The following IFT80 variants were observed in gnomAD, a reference collection of about 807,000 sequenced individuals.
IFT80 encodes intraflagellar transport 80, also known as intraflagellar transport protein 80 homolog.
In IFT80, 79 loss-of-function variants were observed where a neutral mutation model predicts 107.9. The ratio of observed to expected loss-of-function variants is 0.73; its 90% CI spans 0.61 to 0.88. The LOEUF (loss-of-function observed/expected upper bound fraction) is 0.88, where lower values mean the gene tolerates loss of function less well. Ranked by LOEUF, IFT80 falls within the 40% of genes least tolerant of loss-of-function variation. IFT80 has a pLI of 0.00. For missense variants in IFT80, 797 were observed against 914.2 expected (o/e 0.87, Z 1.65); for synonymous variants, 299 against 300.9 (o/e 0.99, Z 0.07).
chr3:160,334,179 T>C (rs985931734), intron 8 of IFT80, among the ~76,000 whole-genome samples: 2 of 152,170 alleles, frequency 1.3e-5, no homozygotes, highest in Non-Finnish European at 2.9e-5. Flanking sequence ...TGTTAATTGT[T>C]TTCAGATTTA....
At chr3:160,360,085 C>A (rs1219332136) in intron 6 of IFT80, among the ~76,000 whole-genome samples, 1 of 152,116 alleles carries the variant, frequency 6.6e-6, no homozygotes, top group Non-Finnish European at 1.5e-5. Context: ...CCTAAGCCAT[C>A]ACAAGGAAGC....
chr3:160,364,632 G>A (rs1187608749), intron 6 of IFT80, among the ~76,000 whole-genome samples: 1 of 152,190 alleles, frequency 6.6e-6, no homozygotes, highest in South Asian at 2.1e-4. Context: ...ACTGGATTAA[G>A]AAAATGTGGC....
At chr3:160,376,438 C>A (rs1431203748) in intron 4 of IFT80, among the ~76,000 whole-genome samples, 1 of 152,134 alleles carries the variant, frequency 6.6e-6, no homozygotes, top group Non-Finnish European at 1.5e-5. Context: ...TACATGCTGA[C>A]AAACCATTGG....
Position 160,277,439 on chromosome 3 carries a change from G to A in IFT80, c.1966C>T (p.Pro656Ser). Residue 656 changes from proline to serine, a missense_variant, in exon 18 of 20, where the codon CCA (proline) becomes TCA (serine). Pro to Ser is a moderately conservative substitution (Grantham distance 74). Transcript: ENST00000326448. ...TGGGCCATTTTTGATTCTTTAGATG[G>A]AAGATTTTTTATAGAATTGATGTAC... ...VQYINSIKNL[P>S]SKESKMAHIL... 1 of 1,610,796 alleles carries A rather than the reference G, an allele frequency of 6.2e-7. No homozygotes were observed. The highest frequency in any genetic ancestry group is 1.1e-5 in the South Asian group (1 of 90,984).
intron 6 of IFT80, among the ~76,000 whole-genome samples, chr3:160,363,786 G>C (rs1013380930): frequency 6.6e-6 from 1 of 152,150 alleles, no homozygotes; most frequent in Non-Finnish European, 1.5e-5. Flanking sequence ...AAATGGTACT[G>C]GGAAAACTGG....
At chr3:160,315,214 T>C (rs1576797441) in intron 9 of IFT80, among the ~76,000 whole-genome samples, 1 of 152,352 alleles carries the variant, frequency 6.6e-6, no homozygotes, top group South Asian at 2.1e-4. Flanking sequence ...GTCAACTATG[T>C]ATTCCCCCTG....
Position 160,322,142 on chromosome 3 carries a change from G to C in IFT80, c.778-2203C>G, listed in dbSNP as rs183973280. The stretch of plus-strand genomic sequence containing the variant: ...GTTGGTGTGCTGCACCCATTAACTT[G>C]TCATTTAGTATTAGGTATATCTCCT... On this transcript the variant is annotated intron_variant, in intron 8 of 19. Transcript: ENST00000326448. Among the ~76,000 whole-genome samples, 244 of 151,502 alleles carry C rather than the reference G, an allele frequency of 1.6e-3. 2 individuals carry two copies. The highest frequency in any genetic ancestry group is 3.1e-3 in the South Asian group (15 of 4,808).
At chr3:160,356,931 C>T (rs1329818000) in intron 7 of IFT80, among the ~76,000 whole-genome samples, 1 of 152,094 alleles carries the variant, frequency 6.6e-6, no homozygotes, top group African/African-American at 2.4e-5. Flanking sequence ...ATACATTAAA[C>T]CTTATTCCTC....
rs920953651 is a variant in IFT80 at position 160,373,425 on chromosome 3, C to G, written c.439+2387G>C. On this transcript the variant is annotated intron_variant, in intron 5 of 19. Coordinates refer to ENST00000326448, the MANE Select transcript of IFT80 (RefSeq NM_020800.3). ...TATACAGGAAAACTATAGCACTAAACTACTAGCACTATTATCACCTAAACC... is the reference window on the plus strand; with the variant it reads ...TATACAGGAAAACTATAGCACTAAAGTACTAGCACTATTATCACCTAAACC... The G allele has an allele frequency of 3.9e-5, 6 of 152,330 alleles. 1 individual carries two copies. Among genetic ancestry groups the G allele is most frequent in the Admixed American group, 3.9e-4 (6 of 15,290 alleles). 9.4% of individuals were successfully genotyped at this position (152,330 alleles called of 1,614,324 possible).
intron 9 of IFT80, among the ~76,000 whole-genome samples, chr3:160,311,134 A>C (rs6441310): frequency 0.034 from 5,201 of 152,262 alleles, 272 homozygotes; most frequent in African/African-American, 0.11. Context: ...TGAAAAAATA[A>C]ATACATAAAT....
At chr3:160,282,687 A>T in intron 13 of IFT80, 74 bp from the exon 14 acceptor site, 3 of 885,170 alleles carry the variant, frequency 3.4e-6, no homozygotes, top group Non-Finnish European at 5.4e-6. Flanking sequence ...TTAATTATAA[A>T]ATCATTTCCT....
In IFT80 at chr3:160,285,830, C is replaced by T. The variant is rs1424771271; in HGVS notation, c.1354G>A (p.Gly452Ser). 1 of 1,610,764 alleles carries T rather than the reference C, an allele frequency of 6.2e-7. No individual in the cohort carries two copies. The highest frequency in any genetic ancestry group is 1.3e-5 in the African/African-American group (1 of 74,838). Residue 452 changes from glycine to serine, a missense_variant, in exon 13 of 20, where the codon GGT becomes AGT. Gly to Ser is a moderately conservative substitution (Grantham distance 56, BLOSUM62 0). Transcript: ENST00000326448. ...LFEASTGKPL[G>S]DGKFLSHKNE... ...TTATGAGAAAGAAACTTTCCATCAC[C>T]TAACGGCTTTCCGGTTGATGCCTCA...
chr3:160,305,332 A>G (rs1350620587), intron 10 of IFT80, among the ~76,000 whole-genome samples: 1 of 152,204 alleles, frequency 6.6e-6, no homozygotes, highest in Admixed American at 6.5e-5. Flanking sequence ...CATTTCAGTA[A>G]GTAAATACAT....
At chr3:160,328,508 G>A (rs1576817262) in intron 8 of IFT80, among the ~76,000 whole-genome samples, 1 of 150,336 alleles carries the variant, frequency 6.7e-6, no homozygotes, top group Non-Finnish European at 1.5e-5. Flanking sequence ...GGATGCTGGC[G>A]AGGTTGTACA....
At chr3:160,312,339 G>A (rs768926747) in intron 9 of IFT80, among the ~76,000 whole-genome samples, 1 of 151,192 alleles carries the variant, frequency 6.6e-6, no homozygotes, top group East Asian at 2.0e-4. Context: ...GGAGAGAAAG[G>A]AGCTACCTCA....
intron 10 of IFT80, among the ~76,000 whole-genome samples, chr3:160,306,760 T>C (rs1228841926): frequency 6.6e-6 from 1 of 152,224 alleles, no homozygotes; most frequent in Non-Finnish European, 1.5e-5. Flanking sequence ...GCAGTTGTTA[T>C]TTAAGTTAAA....
intron 8 of IFT80, among the ~76,000 whole-genome samples, chr3:160,333,262 A>G (rs1019896697): frequency 6.6e-6 from 1 of 152,220 alleles, no homozygotes; most frequent in Non-Finnish European, 1.5e-5. Context: ...ATGGTGAGTT[A>G]ATGTGAAGGC....
At chr3:160,266,667 A>T (rs1559909437) in intron 19 of IFT80, among the ~76,000 whole-genome samples, 2 of 152,162 alleles carry the variant, frequency 1.3e-5, no homozygotes, top group African/African-American at 4.8e-5. Context: ...TATAGGCTTG[A>T]GCCACCACAC....
chr3:160,321,872 A>C (rs779897856), intron 8 of IFT80, among the ~76,000 whole-genome samples: 2 of 151,706 alleles, frequency 1.3e-5, no homozygotes, highest in African/African-American at 2.4e-5. Context: ...TCTGTGCATA[A>C]TTTCAAGGAC....
Sources: allele counts gnomAD v4.1 joint callset (sites outside exome capture counted in the v4.1 genomes callset), GRCh38; gene constraint gnomAD v4.1.1; transcripts MANE v1.5; gene names NCBI Gene and HGNC (gene_info 2026-07-23, HGNC 2026-07-21).